The following DAB1 variants were observed in gnomAD, a reference collection of about 807,000 sequenced individuals.
DAB1 encodes DAB adaptor protein 1.
A neutral mutation model predicts 64.6 loss-of-function variants in DAB1; 15 were observed. That is an observed-to-expected ratio of 0.23 (90% CI 0.16 to 0.36). DAB1 has a LOEUF of 0.36. DAB1 is among the 10% of genes least tolerant of loss of function. The pLI is 1.00. For synonymous variants in DAB1, 235 were observed against 251.9 expected (o/e 0.93, Z 0.64); for missense variants, 596 against 706.7 (o/e 0.84, Z 1.78).
chr1:57,855,782 A>T (rs1411339083), intron 1 of DAB1, among the ~76,000 whole-genome samples: 1 of 152,120 alleles, frequency 6.6e-6, no homozygotes, highest in African/African-American at 2.4e-5. Context: ...CAATATGGAG[A>T]CCACAGGAGG....
chr1:58,471,649 G>C (rs1645360123), intron 3 of DAB1, among the ~76,000 whole-genome samples: 1 of 152,088 alleles, frequency 6.6e-6, no homozygotes, highest in South Asian at 2.1e-4. Context: ...TGGATCATGG[G>C]GCAGGTTCTG....
chr1:58,361,922 T>C (rs1229167432), intron 3 of DAB1, among the ~76,000 whole-genome samples: 1 of 125,652 alleles, frequency 8.0e-6, no homozygotes, highest in Admixed American at 1.1e-4. Flanking sequence ...CAGGCTGGAG[T>C]GCAGCAGTGT....
intron 3 of DAB1, among the ~76,000 whole-genome samples, chr1:58,410,419 T>C (rs977157952): frequency 1.3e-5 from 2 of 152,140 alleles, no homozygotes; most frequent in African/African-American, 2.4e-5. Context: ...CCCACCCCTT[T>C]CTTGAAGGAT....
chr1:57,992,375 T>A (rs1646358069), intron 5 of DAB1, among the ~76,000 whole-genome samples: 1 of 152,192 alleles, frequency 6.6e-6, no homozygotes, highest in East Asian at 1.9e-4. Context: ...CACTTTTTCA[T>A]ATGTATGTGC....
chr1:58,150,755 T>TTA (rs1654880969), intron 4 of DAB1, among the ~76,000 whole-genome samples: 1 of 152,002 alleles, frequency 6.6e-6, no homozygotes, highest in South Asian at 2.1e-4. Context: ...TTGTTACATA[T>TTA]GTATACATGT....
intron 7 of DAB1, among the ~76,000 whole-genome samples, chr1:57,637,214 T>C (rs558803521): frequency 2.2e-4 from 34 of 152,356 alleles, no homozygotes; most frequent in Non-Finnish European, 4.3e-4. Context: ...AATCTATTGA[T>C]AGGTTTATCA....
At chr1:57,499,217 G>A (rs1026451141) in intron 7 of DAB1, among the ~76,000 whole-genome samples, 38 of 152,170 alleles carry the variant, frequency 2.5e-4, no homozygotes, top group African/African-American at 5.8e-4. Context: ...CTCGTGATCC[G>A]CCTGCCTCGG....
chr1:57,795,690 GATATAT>G (rs3081038), intron 6 of DAB1, among the ~76,000 whole-genome samples: 10,025 of 68,922 alleles, frequency 0.15, 728 homozygotes, highest in Non-Finnish European at 0.19. Context: ...TATGCTTGGA[GATATAT>G]ATATATATAT....
At chr1:57,734,185 A>T (rs76776268) in intron 6 of DAB1, among the ~76,000 whole-genome samples, 1 of 152,294 alleles carries the variant, frequency 6.6e-6, no homozygotes, top group East Asian at 1.9e-4. Context: ...CTTGCCATTC[A>T]TGGTGTGCCC....
chr1:58,537,103 A>G (rs1042308234), intron 1 of DAB1, among the ~76,000 whole-genome samples: 1 of 151,048 alleles, frequency 6.6e-6, no homozygotes, highest in Non-Finnish European at 1.5e-5. Flanking sequence ...TATATATACC[A>G]TCTCATTTAA....
chr1:58,341,032 T>TC (rs35653901), intron 4 of DAB1, among the ~76,000 whole-genome samples: 19,605 of 152,174 alleles, frequency 0.13, 1,301 homozygotes, highest in Non-Finnish European at 0.14. Flanking sequence ...TCAATTTCTA[T>TC]CCATACATTC....
rs114380860 is a variant in DAB1, at chr1:57,344,765, G to A, written c.-136-53599C>T. On this transcript the variant is annotated intron_variant, in intron 1 of 14. Transcript: ENST00000371236. ...ATCACAGACTTTGGGGCACACAGACGTGGGCTTGATTCCCAGCTGCAAGCT... is the reference window on the plus strand; with the variant it reads ...ATCACAGACTTTGGGGCACACAGACATGGGCTTGATTCCCAGCTGCAAGCT... 5.2e-3 allele frequency among the ~76,000 whole-genome samples: 786 copies of A among 152,216 alleles called. 5 individuals are homozygous for A. The highest frequency in any genetic ancestry group is 0.017 in the African/African-American group (712 of 41,542).
In DAB1 at chr1:57,400,365, C is replaced by T. The variant is rs111730270; in HGVS notation, c.-137+23565G>A. On this transcript the variant is annotated intron_variant, in intron 1 of 14. Transcript: ENST00000371236. ...CCCAAAACCCATTACTGAAATTTTG[C>T]GTGGCACATAACCCACGTGGCTTAT... 4.4e-3 allele frequency among the ~76,000 whole-genome samples: 664 copies of T among 152,222 alleles called. 6 individuals carry two copies. Among genetic ancestry groups the T allele is most frequent in the African/African-American group, 0.015 (607 of 41,544 alleles).
chr1:58,123,916 C>T (rs1003507749), intron 5 of DAB1, among the ~76,000 whole-genome samples: 6 of 152,158 alleles, frequency 3.9e-5, no homozygotes, highest in Admixed American at 2.6e-4. Context: ...CTAATACACA[C>T]ACACACACAT....
chr1:57,722,896 C>A (rs923899389), intron 6 of DAB1, among the ~76,000 whole-genome samples: 2 of 152,276 alleles, frequency 1.3e-5, no homozygotes, highest in Non-Finnish European at 2.9e-5. Context: ...TAAATCTCCC[C>A]AACTGAGAGA....
At chr1:58,038,883 C>T (rs1162632128) in intron 5 of DAB1, among the ~76,000 whole-genome samples, 2 of 152,172 alleles carry the variant, frequency 1.3e-5, no homozygotes, top group Admixed American at 6.5e-5. Context: ...GATACTTCAA[C>T]GCTTAATTTC....
intron 4 of DAB1, among the ~76,000 whole-genome samples, chr1:58,336,520 AG>A (rs1489926494): frequency 1.3e-5 from 2 of 152,212 alleles, no homozygotes; most frequent in African/African-American, 2.4e-5. Flanking sequence ...CCAGCAAGAT[AG>A]GTATTATGAT....
intron 5 of DAB1, among the ~76,000 whole-genome samples, chr1:58,004,627 T>C (rs999631056): frequency 7.9e-4 from 120 of 152,332 alleles, no homozygotes; most frequent in Non-Finnish European, 1.7e-3. Flanking sequence ...CATCTGTGAA[T>C]GCATAGAATG....
chr1:57,923,762 G>A (rs1049871343), intron 5 of DAB1, among the ~76,000 whole-genome samples: 77 of 152,292 alleles, frequency 5.1e-4, no homozygotes, highest in African/African-American at 1.8e-3. Flanking sequence ...GTTGTTAAGT[G>A]TTAAACACTT....
Sources: gnomAD v4.1 joint callset for allele counts (sites outside exome capture counted in the v4.1 genomes callset) on GRCh38, gnomAD v4.1.1 for gene constraint, MANE v1.5 for transcripts, NCBI Gene and HGNC (gene_info 2026-07-23, HGNC 2026-07-21) for gene names.